Variants in EDA observed in about 807,000 individuals in gnomAD.
EDA encodes the protein ectodysplasin A.
A neutral mutation model predicts 23.6 loss-of-function variants in EDA; 2 were observed. The ratio of observed to expected loss-of-function variants is 0.08; its 90% CI spans 0.03 to 0.27. The LOEUF (loss-of-function observed/expected upper bound fraction) is 0.27. EDA is among the 10% of genes least tolerant of loss of function. EDA has a pLI of 1.00. For synonymous variants in EDA, 131 were observed against 132.0 expected, an observed-to-expected ratio of 0.99 and a Z score of 0.05; for missense variants, 229 against 324.2, an observed-to-expected ratio of 0.71 and a Z score of 2.26.
chrX:69,771,723 A>T (rs772992980), intron 1 of EDA, among the ~76,000 whole-genome samples: 1 of 112,132 alleles, frequency 8.9e-6, no homozygotes, highest in African/African-American at 3.2e-5. Context: ...GCATATTTTT[A>T]TGTGTTCATT....
At chrX:69,992,866 T>G (rs1407544479) in intron 2 of EDA, among the ~76,000 whole-genome samples, 2 of 110,579 alleles carry the variant, frequency 1.8e-5, no homozygotes, top group African/African-American at 3.3e-5. Flanking sequence ...GTCTTCTTTA[T>G]GAAATCTTTC....
intron 1 of EDA, among the ~76,000 whole-genome samples, chrX:69,763,492 G>A (rs1247115331): frequency 8.9e-6 from 1 of 112,061 alleles, no homozygotes; most frequent in Non-Finnish European, 1.9e-5. Flanking sequence ...CAATGCAACT[G>A]AAGTATCTAG....
intron 1 of EDA, among the ~76,000 whole-genome samples, chrX:69,750,467 G>A (rs1258793491): frequency 9.1e-6 from 1 of 110,012 alleles, no homozygotes; most frequent in Admixed American, 9.7e-5. Context: ...ATTGTGAATA[G>A]TGCCGCAGTA....
At chrX:69,874,129 G>A (rs1287431195) in intron 1 of EDA, among the ~76,000 whole-genome samples, 1 of 110,917 alleles carries the variant, frequency 9.0e-6, no homozygotes, top group Non-Finnish European at 1.9e-5. Flanking sequence ...TGACCAACAT[G>A]GAGAAACCCC....
At chrX:69,857,709 T>C (rs946090966) in intron 1 of EDA, among the ~76,000 whole-genome samples, 1 of 109,290 alleles carries the variant, frequency 9.1e-6, no homozygotes, top group African/African-American at 3.3e-5. Flanking sequence ...TTTGTCTATG[T>C]GGGCTCTTTT....
At chrX:69,669,597 C>CTT (rs1933811486) in intron 1 of EDA, among the ~76,000 whole-genome samples, 1 of 111,811 alleles carries the variant, frequency 8.9e-6, no homozygotes, top group East Asian at 2.8e-4. Flanking sequence ...CAATTTACAT[C>CTT]TTTTTATATT....
intron 1 of EDA, among the ~76,000 whole-genome samples, chrX:69,898,377 A>G (rs1273354031): frequency 3.6e-5 from 4 of 110,771 alleles, no homozygotes; most frequent in Non-Finnish European, 1.9e-5. Context: ...GTTTGAGACC[A>G]GCCCTGGCTA....
chrX:69,695,030 A>G (rs999361614), intron 1 of EDA, among the ~76,000 whole-genome samples: 1 of 112,213 alleles, frequency 8.9e-6, no homozygotes, highest in African/African-American at 3.2e-5. Context: ...AAAAATATCA[A>G]AGGTTTTGGC....
chrX:69,683,431 A>G (rs1330381102), intron 1 of EDA, among the ~76,000 whole-genome samples: 1 of 111,578 alleles, frequency 9.0e-6, no homozygotes, highest in Non-Finnish European at 1.9e-5. Context: ...TCTCTCAAGA[A>G]CCTGTCCAAA....
intron 1 of EDA, among the ~76,000 whole-genome samples, chrX:69,714,804 G>A (rs1315796872): frequency 6.3e-5 from 7 of 111,281 alleles, no homozygotes; most frequent in African/African-American, 2.3e-4. Flanking sequence ...TATGTTAAGT[G>A]TTAATATGTG....
chrX:69,910,349 AGG>A (rs2018241071), intron 1 of EDA, among the ~76,000 whole-genome samples: 1 of 74,593 alleles, frequency 1.3e-5, no homozygotes, highest in Non-Finnish European at 2.4e-5. Context: ...TGCTAGGTAA[AGG>A]AGAGAGAGAG....
At chrX:69,793,197 G>T (rs1231646147) in intron 1 of EDA, among the ~76,000 whole-genome samples, 1 of 111,730 alleles carries the variant, frequency 9.0e-6, no homozygotes, top group Non-Finnish European at 1.9e-5. Context: ...GACTACATCT[G>T]TTTCACAAAG....
At chrX:70,012,056 C>CAT (rs2019884236) in intron 2 of EDA, among the ~76,000 whole-genome samples, 2 of 111,289 alleles carry the variant, frequency 1.8e-5, no homozygotes. Context: ...ACTACCTGCC[C>CAT]ATATTGATCA....
At chrX:70,022,987 G>A (rs1365875671) in intron 2 of EDA, 1 of 289,190 alleles carries the variant, frequency 3.5e-6, no homozygotes, top group African/African-American at 2.7e-5. Flanking sequence ...CTGAAGTAGA[G>A]AGATTTTTCT....
intron 1 of EDA, among the ~76,000 whole-genome samples, chrX:69,679,670 T>C (rs1602285456): frequency 2.7e-5 from 3 of 111,534 alleles, no homozygotes; most frequent in Admixed American, 1.9e-4. Context: ...GGTGATATCC[T>C]CTTTATCATT....
intron 1 of EDA, among the ~76,000 whole-genome samples, chrX:69,822,529 G>A (rs2016255214): frequency 1.8e-5 from 2 of 110,586 alleles, no homozygotes; most frequent in Admixed American, 1.9e-4. Flanking sequence ...AGTCAACGAG[G>A]GTGAGTGCCA....
intron 1 of EDA, among the ~76,000 whole-genome samples, chrX:69,810,583 C>T (rs1181753299): frequency 7.4e-5 from 8 of 107,815 alleles, no homozygotes; most frequent in Non-Finnish European, 1.9e-5. Flanking sequence ...ATGGTGAAAC[C>T]GCATTCTACT....
intron 2 of EDA, among the ~76,000 whole-genome samples, chrX:70,018,489 A>T (rs1012194516): frequency 9.0e-6 from 1 of 111,616 alleles, no homozygotes; most frequent in East Asian, 2.8e-4. Flanking sequence ...TATGGTACAG[A>T]TCGAACAATG....
chrX:69,790,441 C>G (rs988119054), intron 1 of EDA, among the ~76,000 whole-genome samples: 1 of 111,132 alleles, frequency 9.0e-6, no homozygotes. Flanking sequence ...TTTATTTAAT[C>G]TTAGTTCAAT....
Sources: gnomAD v4.1 joint callset for allele counts (sites outside exome capture counted in the v4.1 genomes callset) on GRCh38, gnomAD v4.1.1 for gene constraint, MANE v1.5 for transcripts, NCBI Gene and HGNC (gene_info 2026-07-23, HGNC 2026-07-21) for gene names.